The following ARHGEF38 variants were observed in gnomAD, a reference collection of about 807,000 sequenced individuals.
ARHGEF38 encodes Rho guanine nucleotide exchange factor 38, also known as Rho guanine nucleotide exchange factor (GEF) 38.
ARHGEF38 carries 79 observed loss-of-function variants against 79.9 expected under a neutral mutation model. That is an observed-to-expected ratio of 0.99 (90% CI 0.82 to 1.19). ARHGEF38 has a LOEUF of 1.19. ARHGEF38 is among the 50% of genes most tolerant of loss of function. The probability of loss-of-function intolerance (pLI) is 0.00; values close to 1 mark genes in which losing one functional copy is unlikely to be tolerated. For synonymous variants in ARHGEF38, 366 were observed against 328.3 expected (o/e 1.11, Z -1.24); for missense variants, 962 against 907.2 (o/e 1.06, Z -0.78).
In ARHGEF38 at chr4:105,629,706, A is replaced by G. The variant is rs967165812; in HGVS notation, c.509-1192A>G. On this transcript the variant is annotated intron_variant, in intron 3 of 13. Coordinates refer to ENST00000420470, the MANE Select transcript of ARHGEF38 (RefSeq NM_001242729.2). ...CATAATACTTATCTTTAAGTAATGAAGTGTGGATCAAATCAAACTATCGTC... is the reference window on the plus strand; with the variant it reads ...CATAATACTTATCTTTAAGTAATGAGGTGTGGATCAAATCAAACTATCGTC... Among the ~76,000 whole-genome samples the G allele has an allele frequency of 7.2e-5, 11 of 152,060 alleles. 1 individual carries two copies. Among genetic ancestry groups the G allele is most frequent in the Admixed American group, 5.2e-4 (8 of 15,292 alleles).
Position 105,626,126 on chromosome 4 carries a change from C to T in ARHGEF38, c.509-4772C>T, listed in dbSNP as rs148233585. 5.3e-3 allele frequency among the ~76,000 whole-genome samples: 800 copies of T among 152,276 alleles called. 7 individuals are homozygous for T. The highest frequency in any genetic ancestry group is 0.018 in the African/African-American group (729 of 41,568). On this transcript the variant is annotated intron_variant, in intron 3 of 13. Coordinates refer to ENST00000420470, the MANE Select transcript of ARHGEF38 (RefSeq NM_001242729.2). ...AATCCTAGATTAATATATCCAATTTCCTAAAGGGCTTCACTGCTTGAATAT... is the reference window on the plus strand; with the variant it reads ...AATCCTAGATTAATATATCCAATTTTCTAAAGGGCTTCACTGCTTGAATAT...
intron 1 of ARHGEF38, among the ~76,000 whole-genome samples, chr4:105,572,431 A>G (rs1726282576): frequency 6.6e-6 from 1 of 152,166 alleles, no homozygotes; most frequent in African/African-American, 2.4e-5. Context: ...TAAAGTGTAC[A>G]GTTCCGTGGC....
At chr4:105,620,200 A>T (rs1728682578) in intron 3 of ARHGEF38, among the ~76,000 whole-genome samples, 2 of 152,162 alleles carry the variant, frequency 1.3e-5, no homozygotes, top group South Asian at 4.1e-4. Context: ...ATCTTTATAG[A>T]TGGGAGTATG....
intron 7 of ARHGEF38, among the ~76,000 whole-genome samples, chr4:105,652,892 A>T (rs1288139212): frequency 6.6e-6 from 1 of 152,182 alleles, no homozygotes; most frequent in Non-Finnish European, 1.5e-5. Context: ...AATAAAATAA[A>T]ATGTCACCAT....
At chr4:105,556,260 C>T (rs6816893) in intron 1 of ARHGEF38, among the ~76,000 whole-genome samples, 14,237 of 152,110 alleles carry the variant, frequency 0.094, 930 homozygotes, top group African/African-American at 0.18. Context: ...TTACAATGAA[C>T]AGCAAAAACA....
intron 1 of ARHGEF38, among the ~76,000 whole-genome samples, chr4:105,559,729 G>A (rs1725425965): frequency 6.6e-6 from 1 of 151,942 alleles, no homozygotes; most frequent in Non-Finnish European, 1.5e-5. Context: ...CTTGCTCCAG[G>A]TCCCACAAAG....
intron 1 of ARHGEF38, among the ~76,000 whole-genome samples, chr4:105,586,911 C>T (rs935200081): frequency 6.6e-6 from 1 of 150,786 alleles, no homozygotes; most frequent in African/African-American, 2.4e-5. Context: ...TCTCCCCCAC[C>T]CCCACCCAAT....
At chr4:105,554,882 T>C (rs1725181166) in intron 1 of ARHGEF38, among the ~76,000 whole-genome samples, 1 of 152,174 alleles carries the variant, frequency 6.6e-6, no homozygotes, top group African/African-American at 2.4e-5. Context: ...TTTTTTGTCC[T>C]TTGATAAAGA....
chr4:105,601,313 A>C (rs537490955), intron 2 of ARHGEF38, among the ~76,000 whole-genome samples: 1 of 152,270 alleles, frequency 6.6e-6, no homozygotes, highest in South Asian at 2.1e-4. Context: ...ATAACTTCAT[A>C]GCTTGCTACT....
At chr4:105,589,173 C>T (rs1434095244) in intron 1 of ARHGEF38, 75 bp from the exon 2 acceptor site, 3 of 1,246,872 alleles carry the variant, frequency 2.4e-6, no homozygotes, top group South Asian at 1.6e-5. Context: ...CAAAGTCCTT[C>T]GAAGGCGTTG....
intron 3 of ARHGEF38, among the ~76,000 whole-genome samples, chr4:105,629,715 CA>C (rs1729101989): frequency 6.6e-6 from 1 of 151,882 alleles, no homozygotes; most frequent in East Asian, 1.9e-4. Context: ...AAGTGTGGAT[CA>C]AATCAAACTA....
chr4:105,673,526 A>G (rs1731022395), intron 13 of ARHGEF38, among the ~76,000 whole-genome samples: 1 of 152,156 alleles, frequency 6.6e-6, no homozygotes, highest in African/African-American at 2.4e-5. Context: ...ATGATGCTAT[A>G]TACCTACTGT....
intron 5 of ARHGEF38, among the ~76,000 whole-genome samples, chr4:105,644,370 G>C (rs1173924706): frequency 6.6e-6 from 1 of 152,186 alleles, no homozygotes; most frequent in African/African-American, 2.4e-5. Context: ...TCTGCATAAA[G>C]AGGCTTTTAG....
At chr4:105,629,492 C>A (rs993164667) in intron 3 of ARHGEF38, among the ~76,000 whole-genome samples, 2 of 151,856 alleles carry the variant, frequency 1.3e-5, no homozygotes, top group Non-Finnish European at 2.9e-5. Context: ...GAATGACTTA[C>A]TCCTGTTAAC....
At chr4:105,610,494 A>C (rs1191282680) in intron 2 of ARHGEF38, among the ~76,000 whole-genome samples, 1 of 152,072 alleles carries the variant, frequency 6.6e-6, no homozygotes, top group African/African-American at 2.4e-5. Context: ...CTTTTAGAAC[A>C]TTACCTGTTT....
intron 1 of ARHGEF38, among the ~76,000 whole-genome samples, chr4:105,582,924 T>C (rs1276355174): frequency 1.3e-5 from 2 of 152,214 alleles, no homozygotes; most frequent in African/African-American, 4.8e-5. Flanking sequence ...TTAAAGTCTA[T>C]TTTATCTGTG....
At chr4:105,647,231 T>A (rs1729882364) in intron 6 of ARHGEF38, among the ~76,000 whole-genome samples, 1 of 152,180 alleles carries the variant, frequency 6.6e-6, no homozygotes, top group South Asian at 2.1e-4. Flanking sequence ...CATTTTATTG[T>A]TTTCTTCAGA....
chr4:105,558,730 G>T (rs1476815421), intron 1 of ARHGEF38, among the ~76,000 whole-genome samples: 1 of 152,008 alleles, frequency 6.6e-6, no homozygotes, highest in Non-Finnish European at 1.5e-5. Flanking sequence ...CTACCATATT[G>T]TGATGGGCAA....
chr4:105,667,506 G>A lies in ARHGEF38; in HGVS notation c.1951G>A (p.Val651Met). The A allele has an allele frequency of 6.5e-7, 1 of 1,536,466 alleles. No homozygotes were observed. Among genetic ancestry groups the A allele is most frequent in the Non-Finnish European group, 8.7e-7 (1 of 1,146,984 alleles). ...KPYNPAKMQKVDAENRFCDDD... is the reference protein window; with the variant it reads ...KPYNPAKMQKMDAENRFCDDD... ...CTACAATCCAGCAAAAATGCAGAAA[G>A]TGGATGCTGAGAACAGGTTCTGTGA... is the stretch of plus-strand genomic sequence containing the variant. Residue 651 changes from valine to methionine, a missense_variant, in exon 13 of 14, where the codon GTG (valine) becomes ATG (methionine). Coordinates refer to ENST00000420470, the MANE Select transcript of ARHGEF38 (RefSeq NM_001242729.2).
Sources: allele counts gnomAD v4.1 joint callset (sites outside exome capture counted in the v4.1 genomes callset), GRCh38; gene constraint gnomAD v4.1.1; transcripts MANE v1.5; gene names NCBI Gene and HGNC (gene_info 2026-07-23, HGNC 2026-07-21).